PUDP: variants seen among roughly 807,000 people sequenced by gnomAD.
PUDP encodes the protein pseudouridine-5'-phosphatase.
A neutral mutation model predicts 9.4 loss-of-function variants in PUDP; 8 were observed. That is an observed-to-expected ratio of 0.85 (90% CI 0.50 to 1.53). The LOEUF (loss-of-function observed/expected upper bound fraction) is 1.53. Ranked by LOEUF, PUDP falls within the 40% of genes most tolerant of loss-of-function variation. PUDP has a pLI of 0.00. For missense variants in PUDP, 188 were observed against 189.7 expected, an observed-to-expected ratio of 0.99 and a Z score of 0.05; for synonymous variants, 99 against 80.7, an observed-to-expected ratio of 1.23 and a Z score of -1.22.
chrX:7,054,903 T>G (rs758700550), intron 3 of PUDP, among the ~76,000 whole-genome samples: 45 of 111,953 alleles, frequency 4.0e-4, no homozygotes, highest in Middle Eastern at 4.6e-3. Context: ...CCAGGAAAAC[T>G]CAACAGAACA....
chrX:6,932,572 A>G (rs1928209362), intron 3 of PUDP, among the ~76,000 whole-genome samples: 1 of 110,836 alleles, frequency 9.0e-6, no homozygotes, highest in Non-Finnish European at 1.9e-5. Context: ...CTGCATTTCC[A>G]TCTGAGGTAC....
intron 3 of PUDP, among the ~76,000 whole-genome samples, chrX:6,765,303 AAACC>A (rs1925271575): frequency 1.8e-5 from 2 of 110,766 alleles, no homozygotes; most frequent in Non-Finnish European, 3.8e-5. Context: ...ACAAACAAAC[AAACC>A]AACAACAACA....
chrX:6,992,463 G>C (rs1357152303), intron 1 of PUDP, among the ~76,000 whole-genome samples: 1 of 107,151 alleles, frequency 9.3e-6, no homozygotes, highest in Non-Finnish European at 1.9e-5. Flanking sequence ...TAGTAGAGAC[G>C]GGGTTTCACC....
At chrX:7,094,420 G>A (rs1243456676) in intron 2 of PUDP, among the ~76,000 whole-genome samples, 1 of 100,863 alleles carries the variant, frequency 9.9e-6, no homozygotes, top group African/African-American at 3.7e-5. Context: ...GCAGTGGCGT[G>A]ATCTTGGCTC....
rs1927083346 is a variant in PUDP, at chrX:6,866,256, GGTTT to G, written c.*247+110873_*247+110876del. Among the ~76,000 whole-genome samples, 3 of 100,754 alleles carry G rather than the reference GGTTT, an allele frequency of 3.0e-5. No individual in the cohort carries two copies. The South Asian group carries it at 1.5e-3, about 50-fold the overall frequency. 87.5% of individuals were successfully genotyped at this position (100,754 alleles called of 115,157 possible). A position where few individuals can be genotyped will look rare whatever the true frequency, so the allele number is the denominator to read the frequency against. On this transcript the variant is annotated intron_variant and NMD_transcript_variant, in intron 3 of 3. Coordinates refer to the PUDP transcript ENST00000655425. ...TTTTTTTTTTTAATTTAAAATTTAT[GGTTT>G]TTTTTTTTGTATTACTTACATTATA... is the stretch of plus-strand genomic sequence containing the variant.
At chrX:6,976,736 G>C (rs140487560) in intron 3 of PUDP, among the ~76,000 whole-genome samples, 3,163 of 111,571 alleles carry the variant, frequency 0.028, 59 homozygotes, top group African/African-American at 0.068. Context: ...TCTGAATGTG[G>C]GTTCCACTTA....
chrX:6,713,242 G>T (rs112288850), intron 1 of PUDP, among the ~76,000 whole-genome samples: 2,530 of 111,503 alleles, frequency 0.023, 71 homozygotes, highest in African/African-American at 0.078. Flanking sequence ...TTTTCCATTT[G>T]AAGCACAGTG....
chrX:6,860,035 C>T (rs73190750), intron 3 of PUDP, among the ~76,000 whole-genome samples: 21,103 of 111,728 alleles, frequency 0.19, 1,895 homozygotes, highest in Non-Finnish European at 0.28. Flanking sequence ...GTTATAAACC[C>T]TATTTTGCAG....
intron 3 of PUDP, among the ~76,000 whole-genome samples, chrX:6,918,638 G>A (rs778807715): frequency 2.7e-5 from 3 of 112,075 alleles, no homozygotes; most frequent in East Asian, 5.6e-4. Flanking sequence ...AGATCAAAGT[G>A]CTGGCAGATT....
rs1569122749 is a variant in PUDP at position 6,916,229 on chromosome X, CACACACACACACACACA to C, written c.*247+60887_*247+60903del. 5.1e-3 allele frequency among the ~76,000 whole-genome samples: 535 copies of C among 105,471 alleles called. 4 individuals carry two copies. Among genetic ancestry groups the C allele is most frequent in the African/African-American group, 0.017 (473 of 28,324 alleles). 91.6% of individuals were successfully genotyped at this position (105,471 alleles called of 115,157 possible). ...ACACACACACACACACACACACACA[CACACACACACACACACA>C]CACCCTGGGGAACTGGTAAATTTGG... On this transcript the variant is annotated intron_variant and NMD_transcript_variant, in intron 3 of 3. Coordinates refer to the PUDP transcript ENST00000655425.
At chrX:6,750,345 TG>T (rs1602605931) in intron 3 of PUDP, among the ~76,000 whole-genome samples, 1 of 111,902 alleles carries the variant, frequency 8.9e-6, no homozygotes, top group Non-Finnish European at 1.9e-5. Context: ...CATTGATTTG[TG>T]CTTGTTGATT....
chrX:7,072,773 C>T (rs1489540048), intron 3 of PUDP, among the ~76,000 whole-genome samples: 5 of 100,794 alleles, frequency 5.0e-5, no homozygotes, highest in African/African-American at 1.9e-4. Context: ...GAGATCGTGC[C>T]ACTGCACTCC....
Position 7,093,176 on chromosome X carries a change from C to T in PUDP, c.280+12444G>A, listed in dbSNP as rs181571707. 9.2e-3 allele frequency among the ~76,000 whole-genome samples: 1,029 copies of T among 111,326 alleles called. 11 individuals carry two copies. Among genetic ancestry groups the T allele is most frequent in the Admixed American group, 0.016 (167 of 10,490 alleles). On this transcript the variant is annotated intron_variant, in intron 2 of 3. Transcript: ENST00000381077. ...TAAAACCTCCATCCCCCTCCCCCAGCCCCTGGCAATCACAATTCTACTTTC... is the reference window on the plus strand; with the variant it reads ...TAAAACCTCCATCCCCCTCCCCCAGTCCCTGGCAATCACAATTCTACTTTC...
chrX:6,801,256 G>A lies in PUDP; in HGVS notation c.*248-94790C>T, dbSNP rs1282834272. 3.6e-5 allele frequency among the ~76,000 whole-genome samples: 4 copies of A among 112,480 alleles called. No individual in the cohort carries two copies. In the East Asian group the frequency reaches 1.1e-3, roughly 31 times the overall value. ...AACTTTGGGGCCAAATACTACCTGT[G>A]CCAAGGGTTTAAAAACCCACACCCC... On this transcript the variant is annotated intron_variant and NMD_transcript_variant, in intron 3 of 3. Transcript: ENST00000655425.
At chrX:6,995,688 C>A (rs749274815) in intron 1 of PUDP, among the ~76,000 whole-genome samples, 1 of 109,291 alleles carries the variant, frequency 9.1e-6, no homozygotes, top group Non-Finnish European at 1.9e-5. Context: ...CATGCCAGTG[C>A]ACTCCAGCCT....
intron 3 of PUDP, among the ~76,000 whole-genome samples, chrX:6,940,740 T>C (rs1456253029): frequency 1.8e-5 from 2 of 111,435 alleles, no homozygotes; most frequent in East Asian, 5.6e-4. Context: ...GACCATTGTT[T>C]ACAAACTATC....
rs754437731 is a variant in PUDP at position 6,731,681 on chromosome X, T to C, written c.*248-25215A>G. On this transcript the variant is annotated intron_variant and NMD_transcript_variant, in intron 3 of 3. Transcript: ENST00000655425. ...TTATATTTCACAGCGTTTTTGTTTCTAGTAGCAGAAGCTGGAAACGAAGTC... is the reference window on the plus strand; with the variant it reads ...TTATATTTCACAGCGTTTTTGTTTCCAGTAGCAGAAGCTGGAAACGAAGTC... Among the ~76,000 whole-genome samples, 196 of 103,227 alleles carry C rather than the reference T, an allele frequency of 1.9e-3. 1 individual carries two copies. Among genetic ancestry groups the C allele is most frequent in the Non-Finnish European group, 3.2e-3 (166 of 51,730 alleles). The allele number at this position is 103,227 out of a possible 115,157, so 89.6% of individuals were successfully genotyped here. A position where few individuals can be genotyped will look rare whatever the true frequency, so the allele number is the denominator to read the frequency against.
At chrX:7,127,422 T>C (rs1289912874) in intron 1 of PUDP, among the ~76,000 whole-genome samples, 1 of 112,606 alleles carries the variant, frequency 8.9e-6, no homozygotes, top group African/African-American at 3.2e-5. Flanking sequence ...ATCCTTTTAA[T>C]AGCTGTACCT....
chrX:6,844,851 T>G (rs1926721675), intron 3 of PUDP, among the ~76,000 whole-genome samples: 1 of 112,026 alleles, frequency 8.9e-6, no homozygotes, highest in Admixed American at 9.5e-5. Flanking sequence ...GAGGCCAAAT[T>G]CCTCAGATCA....
Sources: gnomAD v4.1 joint callset for allele counts (sites outside exome capture counted in the v4.1 genomes callset) on GRCh38, gnomAD v4.1.1 for gene constraint, MANE v1.5 for transcripts, NCBI Gene and HGNC (gene_info 2026-07-23, HGNC 2026-07-21) for gene names.